The following CYYR1 variants were observed in gnomAD, a reference collection of about 807,000 sequenced individuals.
The protein encoded by CYYR1 is cysteine and tyrosine rich 1, also known as cysteine and tyrosine-rich protein 1.
In CYYR1, 14 loss-of-function variants were observed where a neutral mutation model predicts 15.2. The observed-to-expected ratio is 0.92, with a 90% CI of 0.61 to 1.44. The LOEUF is 1.44. Among genes scored for constraint, CYYR1 ranks in the 40% most tolerant of loss-of-function variants. The pLI is 0.00. For missense variants in CYYR1, 228 were observed against 209.5 expected (o/e 1.09, Z -0.54); for synonymous variants, 80 against 77.4 (o/e 1.03, Z -0.18).
intron 2 of CYYR1, among the ~76,000 whole-genome samples, chr21:26,546,793 C>T (rs1027746425): frequency 6.6e-6 from 1 of 152,138 alleles, no homozygotes; most frequent in African/African-American, 2.4e-5. Context: ...TTATTAACGT[C>T]GGGATAGATT....
chr21:26,508,459 A>G (rs1424257051), intron 2 of CYYR1, among the ~76,000 whole-genome samples: 1 of 152,134 alleles, frequency 6.6e-6, no homozygotes, highest in Non-Finnish European at 1.5e-5. Flanking sequence ...TAAAAGAAAA[A>G]ACTTTTAGAA....
At chr21:26,487,456 T>A (rs1215863088) in intron 2 of CYYR1, among the ~76,000 whole-genome samples, 1 of 152,108 alleles carries the variant, frequency 6.6e-6, no homozygotes, top group African/African-American at 2.4e-5. Context: ...AGAATAAATC[T>A]TGGCAAAATT....
intron 2 of CYYR1, among the ~76,000 whole-genome samples, chr21:26,490,655 G>C (rs943182917): frequency 6.6e-6 from 1 of 152,160 alleles, no homozygotes; most frequent in Non-Finnish European, 1.5e-5. Flanking sequence ...CACAACTCAC[G>C]TGTTTTGAAG....
At chr21:26,520,989 A>G (rs754199711) in intron 2 of CYYR1, among the ~76,000 whole-genome samples, 1 of 152,206 alleles carries the variant, frequency 6.6e-6, no homozygotes, top group Non-Finnish European at 1.5e-5. Context: ...CAATGAGAAC[A>G]CATGAACACA....
intron 2 of CYYR1, chr21:26,552,142 T>C (rs899227088): frequency 2.0e-5 from 3 of 152,214 alleles, no homozygotes; most frequent in African/African-American, 7.2e-5. Context: ...GTACATTGTT[T>C]TTTGGGTGTA....
chr21:26,552,279 A>G (rs549994480), intron 2 of CYYR1, among the ~76,000 whole-genome samples: 56 of 152,264 alleles, frequency 3.7e-4, no homozygotes, highest in African/African-American at 1.3e-3. Context: ...GGAACCTACA[A>G]TGTCTGCAAG....
intron 3 of CYYR1, among the ~76,000 whole-genome samples, chr21:26,472,112 C>G (rs1448415922): frequency 1.3e-5 from 2 of 152,296 alleles, no homozygotes; most frequent in East Asian, 3.9e-4. Context: ...AATACTGTCT[C>G]TTAGTCATTT....
intron 2 of CYYR1, 136 bp from the exon 3 acceptor site, chr21:26,480,565 C>CA: frequency 1.7e-6 from 1 of 593,096 alleles, no homozygotes; most frequent in Non-Finnish European, 2.5e-6. Context: ...TTTTTCTTTT[C>CA]TTTTTTTTTT....
chr21:26,510,912 T>G (rs961927540), intron 2 of CYYR1, among the ~76,000 whole-genome samples: 1 of 152,220 alleles, frequency 6.6e-6, no homozygotes, highest in Non-Finnish European at 1.5e-5. Context: ...TACAAAATAG[T>G]CAAATATGTG....
At chr21:26,557,457 C>T (rs1006997202) in intron 2 of CYYR1, among the ~76,000 whole-genome samples, 4 of 152,018 alleles carry the variant, frequency 2.6e-5, no homozygotes, top group East Asian at 1.9e-4. Flanking sequence ...TAACATAAAA[C>T]GCAACAAGCA....
At chr21:26,565,348 A>T (rs1330986758) in intron 2 of CYYR1, among the ~76,000 whole-genome samples, 1 of 152,170 alleles carries the variant, frequency 6.6e-6, no homozygotes. Flanking sequence ...TCCCGTTTCC[A>T]CTTGAGCCTT....
At chr21:26,531,423 T>C (rs770599399) in intron 2 of CYYR1, among the ~76,000 whole-genome samples, 1 of 152,160 alleles carries the variant, frequency 6.6e-6, no homozygotes, top group East Asian at 1.9e-4. Context: ...TCCCCACGTG[T>C]TGAAGGAGAA....
intron 2 of CYYR1, among the ~76,000 whole-genome samples, chr21:26,492,915 T>C (rs219627): frequency 0.82 from 125,387 of 152,064 alleles, 52,659 homozygotes; most frequent in Non-Finnish European, 0.9. Context: ...GCATCTATCA[T>C]ATATGTTAGC....
intron 2 of CYYR1, among the ~76,000 whole-genome samples, chr21:26,531,915 A>C (rs2123607979): frequency 6.6e-6 from 1 of 152,272 alleles, no homozygotes; most frequent in Non-Finnish European, 1.5e-5. Flanking sequence ...AATGCCATAC[A>C]TACTGTTGCC....
chr21:26,476,131 C>A (rs991690605), intron 3 of CYYR1, among the ~76,000 whole-genome samples: 1 of 152,048 alleles, frequency 6.6e-6, no homozygotes, highest in Admixed American at 6.6e-5. Flanking sequence ...GTATTTATTT[C>A]TTAATGAAGT....
chr21:26,474,409 T>A, intron 3 of CYYR1, among the ~76,000 whole-genome samples: 2 of 40,176 alleles, frequency 5.0e-5, no homozygotes, highest in Non-Finnish European at 9.8e-5. Flanking sequence ...ACACCGTGCC[T>A]TTTTTTTTTT....
chr21:26,562,755 CACACAG>C (rs756177045), intron 2 of CYYR1, among the ~76,000 whole-genome samples: 177 of 143,856 alleles, frequency 1.2e-3, no homozygotes, highest in Middle Eastern at 3.5e-3. Flanking sequence ...CACACACACA[CACACAG>C]AGACATACAC....
chr21:26,499,231 C>T (rs1338352789), intron 2 of CYYR1, among the ~76,000 whole-genome samples: 1 of 152,092 alleles, frequency 6.6e-6, no homozygotes, highest in East Asian at 1.9e-4. Context: ...TACTGGATTA[C>T]CTGGGTCAGC....
At chr21:26,542,243 C>A (rs1443329714) in intron 2 of CYYR1, among the ~76,000 whole-genome samples, 2 of 17,084 alleles carry the variant, frequency 1.2e-4, no homozygotes, top group African/African-American at 3.2e-4. Flanking sequence ...GGGACGGGGG[C>A]GGGGCGGGAG....
Sources: allele counts gnomAD v4.1 joint callset (sites outside exome capture counted in the v4.1 genomes callset), GRCh38; gene constraint gnomAD v4.1.1; transcripts MANE v1.5; gene names NCBI Gene and HGNC (gene_info 2026-07-23, HGNC 2026-07-21).